Variants in TK2 observed in about 807,000 individuals in gnomAD.
TK2 encodes the protein thymidine kinase 2, also known as thymidine kinase 2, mitochondrial.
TK2 carries 35 observed loss-of-function variants against 41.9 expected under a neutral mutation model. The ratio of observed to expected loss-of-function variants is 0.84; its 90% confidence interval spans 0.64 to 1.11. The LOEUF (loss-of-function observed/expected upper bound fraction) is 1.11, where lower values mean the gene tolerates loss of function less well. Ranked by LOEUF, TK2 falls within the 50% of genes least tolerant of loss-of-function variation. The pLI, the probability that TK2 is intolerant of heterozygous loss-of-function variation, is 0.00. For missense variants in TK2, 320 were observed against 351.1 expected, an observed-to-expected ratio of 0.91 and a Z score of 0.71; for synonymous variants, 128 against 129.1, an observed-to-expected ratio of 0.99 and a Z score of 0.06.
At position 66,514,634 on chromosome 16, in the gene TK2, A is replaced by C. The variant is rs1176919565; in HGVS notation, c.619-823T>G. On this transcript the variant is annotated intron_variant, in intron 8 of 9. Transcript: ENST00000544898. The surrounding 1 kb of genome is among the most constrained non-coding windows in gnomAD (Gnocchi z 4.2). ...CGGCCGCTCAGTCTGGGAAGTGAGGAGCCCCTCTGCCCGGCCACCACCCCG... is the reference window on the plus strand; with the variant it reads ...CGGCCGCTCAGTCTGGGAAGTGAGGCGCCCCTCTGCCCGGCCACCACCCCG... Among the ~76,000 whole-genome samples the C allele has an allele frequency of 2.6e-5, 4 of 152,004 alleles. No individual in the cohort carries two copies. The East Asian group carries it at 7.8e-4, about 30-fold the overall frequency.
At chr16:66,512,344 C>T (rs1257423675) in intron 9 of TK2, among the ~76,000 whole-genome samples, 1 of 152,194 alleles carries the variant, frequency 6.6e-6, no homozygotes, top group East Asian at 1.9e-4. Flanking sequence ...CTGAAGATTA[C>T]ACGAGCCCAG....
intron 4 of TK2, among the ~76,000 whole-genome samples, chr16:66,532,088 C>T (rs1254811045): frequency 7.0e-6 from 1 of 143,514 alleles, no homozygotes; most frequent in Non-Finnish European, 1.5e-5. Flanking sequence ...AACAAACCTG[C>T]ACATGTACCC....
chr16:66,549,673 T>G lies in TK2; in HGVS notation c.124+265A>C, dbSNP rs1965723192. The G allele has an allele frequency of 1.2e-5, 15 of 1,224,360 alleles. No homozygotes were observed. The South Asian group carries it at 5.7e-4, about 46-fold the overall frequency. 75.8% of individuals were successfully genotyped at this position (1,224,360 alleles called of 1,614,324 possible). The stretch of plus-strand genomic sequence containing the variant: ...AGGAAATGGGTCGGGGGACCGAGTT[T>G]GGGCCGGAATGTTCAGAGCGTGTCC... On this transcript the variant is annotated intron_variant, in intron 1 of 9. Transcript: ENST00000544898.
chr16:66,519,923 G>T (rs8044223), intron 6 of TK2, among the ~76,000 whole-genome samples: 9,612 of 152,220 alleles, frequency 0.063, 995 homozygotes, highest in African/African-American at 0.22. Context: ...GGCACTCTGG[G>T]AGGCCAAGGG....
chr16:66,516,988 G>A, intron 8 of TK2, 148 bp downstream of exon 8: 3 of 798,712 alleles, frequency 3.8e-6, no homozygotes, highest in Admixed American at 1.7e-5. Context: ...CAGGAAGTCA[G>A]AGTTCACCCT....
chr16:66,540,044 G>A (rs1008852610), intron 3 of TK2, among the ~76,000 whole-genome samples: 1 of 152,202 alleles, frequency 6.6e-6, no homozygotes, highest in East Asian at 1.9e-4. Context: ...CTAAAGGGCA[G>A]CAGTCTTAGG....
chr16:66,520,105 C>T (rs1008039937), intron 6 of TK2, among the ~76,000 whole-genome samples: 1 of 152,152 alleles, frequency 6.6e-6, no homozygotes, highest in Non-Finnish European at 1.5e-5. Context: ...GACTGCAGCA[C>T]AGAGGCCAGG....
At chr16:66,520,898 T>C (rs1017240960) in intron 6 of TK2, among the ~76,000 whole-genome samples, 3 of 152,188 alleles carry the variant, frequency 2.0e-5, no homozygotes, top group Non-Finnish European at 4.4e-5. Flanking sequence ...AAAATGAGGA[T>C]GTGCAATGAG....
intron 4 of TK2, among the ~76,000 whole-genome samples, chr16:66,535,201 G>C (rs1297302971): frequency 6.6e-6 from 1 of 152,178 alleles, no homozygotes; most frequent in Admixed American, 6.5e-5. Context: ...TTTCACAAAA[G>C]TATCGATCTT....
chr16:66,549,913 G>A, intron 1 of TK2, 25 bp downstream of exon 1: 1 of 1,347,094 alleles, frequency 7.4e-7, no homozygotes, highest in Non-Finnish European at 9.5e-7. Context: ...GGGCTCCTGG[G>A]AGGCGGGACC....
At chr16:66,519,721 C>G (rs1328163665) in intron 6 of TK2, among the ~76,000 whole-genome samples, 1 of 152,208 alleles carries the variant, frequency 6.6e-6, no homozygotes, top group Non-Finnish European at 1.5e-5. Context: ...CCTTTAACAT[C>G]CTCCATTCCA....
intron 3 of TK2, among the ~76,000 whole-genome samples, chr16:66,541,387 T>C (rs59987317): frequency 5.0e-4 from 76 of 152,278 alleles, no homozygotes; most frequent in African/African-American, 1.8e-3. Context: ...ACATTTGGCA[T>C]ATGTTATGTG....
chr16:66,517,320 A>G lies in TK2; in HGVS notation c.539-105T>C. The G allele has an allele frequency of 1.0e-6, 1 of 964,000 alleles. No homozygotes were observed. Among genetic ancestry groups the G allele is most frequent in the East Asian group, 2.4e-5 (1 of 41,910 alleles). The allele number at this position is 964,000 out of a possible 1,614,324, so 59.7% of individuals were successfully genotyped here. On this transcript the variant is annotated intron_variant, in intron 7 of 9. Transcript: ENST00000544898. This position sits in a 1 kb window ranked among gnomAD's most constrained non-coding sequence, Gnocchi z 4.3. Reference sequence around the variant, plus strand: ...GGAAGGTCTGCACAGCTCGAGCAGGAAGCAGGGAGGGCCAGCTCTTGGCTT... The same window carrying G: ...GGAAGGTCTGCACAGCTCGAGCAGGGAGCAGGGAGGGCCAGCTCTTGGCTT...
intron 6 of TK2, among the ~76,000 whole-genome samples, chr16:66,527,909 G>A (rs1964983850): frequency 6.6e-6 from 1 of 152,134 alleles, no homozygotes; most frequent in Admixed American, 6.5e-5. Context: ...GTGTGTGCCT[G>A]TAGTCCCAGC....
At chr16:66,549,778 G>T in intron 1 of TK2, 160 bp downstream of exon 1, 1 of 1,283,726 alleles carries the variant, frequency 7.8e-7, no homozygotes. Context: ...CTCGCGCCCG[G>T]GTAACGGCCG....
At chr16:66,519,431 G>A (rs569239437) in intron 6 of TK2, among the ~76,000 whole-genome samples, 2 of 152,172 alleles carry the variant, frequency 1.3e-5, no homozygotes, top group South Asian at 2.1e-4. Context: ...CACCCGCCTC[G>A]GCCTCCCAAA....
intron 2 of TK2, among the ~76,000 whole-genome samples, chr16:66,548,474 A>G (rs781363067): frequency 1.3e-5 from 2 of 152,156 alleles, no homozygotes; most frequent in Non-Finnish European, 2.9e-5. Flanking sequence ...TTTGACCTTC[A>G]GCCTCACACT....
chr16:66,532,646 A>C (rs1965152292), intron 4 of TK2, among the ~76,000 whole-genome samples: 1 of 151,910 alleles, frequency 6.6e-6, no homozygotes, highest in Non-Finnish European at 1.5e-5. Context: ...TAAAAGTAAA[A>C]TACCTAGGAA....
intron 5 of TK2, 86 bp from the exon 6 acceptor site, chr16:66,529,153 C>A (rs1880924026): frequency 1.6e-6 from 2 of 1,274,138 alleles, no homozygotes; most frequent in Non-Finnish European, 2.3e-6. Context: ...ACTCCCCCTG[C>A]CTGGGGACTT....
Sources: allele counts gnomAD v4.1 joint callset (sites outside exome capture counted in the v4.1 genomes callset), GRCh38; gene constraint gnomAD v4.1.1; non-coding constraint Gnocchi (gnomAD v3.1); transcripts MANE v1.5; gene names NCBI Gene and HGNC (gene_info 2026-07-23, HGNC 2026-07-21).